The following MGAT4C variants were observed in gnomAD, a reference collection of about 807,000 sequenced individuals.
MGAT4C encodes alpha-1,3-mannosyl-glycoprotein 4-beta-N-acetylglucosaminyltransferase C.
A neutral mutation model predicts 40.1 loss-of-function variants in MGAT4C; 19 were observed. That is an observed-to-expected ratio of 0.47 (90% CI 0.33 to 0.70). MGAT4C has a LOEUF of 0.70. Among genes scored for constraint, MGAT4C ranks in the 30% least tolerant of loss-of-function variants. MGAT4C has a pLI of 0.02. For missense variants in MGAT4C, 491 were observed against 563.2 expected, an observed-to-expected ratio of 0.87 and a Z score of 1.30; for synonymous variants, 181 against 187.1, an observed-to-expected ratio of 0.97 and a Z score of 0.27.
intron 2 of MGAT4C, among the ~76,000 whole-genome samples, chr12:86,475,757 A>G (rs963602245): frequency 2.0e-5 from 3 of 152,106 alleles, no homozygotes; most frequent in African/African-American, 4.8e-5. Flanking sequence ...AACTTTCATG[A>G]CAATCATTTC....
chr12:86,010,148 G>A (rs1185336269), intron 2 of MGAT4C, among the ~76,000 whole-genome samples: 1 of 151,696 alleles, frequency 6.6e-6, no homozygotes, highest in Non-Finnish European at 1.5e-5. Flanking sequence ...ATAGAAAGGG[G>A]GAAGTAGTCT....
rs372582903 is a variant in MGAT4C, at chr12:86,477,832, C to G, written c.-228-42567G>C. 3.3e-3 allele frequency among the ~76,000 whole-genome samples: 500 copies of G among 152,118 alleles called. 2 individuals carry two copies. The highest frequency in any genetic ancestry group is 0.012 in the African/African-American group (483 of 41,514). ...CATTGTTCAATTCCCACCTATGAGT[C>G]AGAACATGCGGTGTTTGGTTTTTTG... On this transcript the variant is annotated intron_variant, in intron 2 of 7. Transcript: ENST00000548651.
chr12:86,327,752 G>A (rs938033091), intron 4 of MGAT4C, among the ~76,000 whole-genome samples: 2 of 152,020 alleles, frequency 1.3e-5, no homozygotes, highest in Non-Finnish European at 2.9e-5. Flanking sequence ...AGGAGTTCTT[G>A]GTTTTCAATC....
At chr12:86,634,893 T>G (rs1332951623) in intron 2 of MGAT4C, among the ~76,000 whole-genome samples, 2 of 152,168 alleles carry the variant, frequency 1.3e-5, no homozygotes, top group African/African-American at 4.8e-5. Context: ...AAGGAGATTA[T>G]GTAAACATGT....
chr12:86,633,605 C>A (rs1332390447), intron 2 of MGAT4C, among the ~76,000 whole-genome samples: 3 of 152,026 alleles, frequency 2.0e-5, no homozygotes, highest in African/African-American at 4.8e-5. Context: ...TAAATTATGG[C>A]AAAATCCCTA....
chr12:86,637,460 T>C (rs767712508), intron 2 of MGAT4C, among the ~76,000 whole-genome samples: 4 of 151,964 alleles, frequency 2.6e-5, no homozygotes, highest in Non-Finnish European at 5.9e-5. Context: ...AGTTTTAGCC[T>C]AGTAGCCAAA....
rs373404369 is a variant in MGAT4C at position 86,756,529 on chromosome 12, G to T, written c.-261-29288C>A. 7.9e-5 allele frequency among the ~76,000 whole-genome samples: 12 copies of T among 151,872 alleles called. No individual in the cohort carries two copies. In the East Asian group the frequency reaches 1.2e-3, roughly 15 times the overall value. ...ATTCTACATTTCTTAAAATAGTCTT[G>T]CATATTTTGTCTCATTTGATTTTAA... On this transcript the variant is annotated intron_variant, in intron 1 of 7. Coordinates refer to the MGAT4C transcript ENST00000548651.
At chr12:86,603,454 CTA>C (rs564160119) in intron 2 of MGAT4C, among the ~76,000 whole-genome samples, 7 of 113,510 alleles carry the variant, frequency 6.2e-5, no homozygotes, top group African/African-American at 2.0e-4. Context: ...AGTCTATAGA[CTA>C]TATAATATAT....
intron 1 of MGAT4C, among the ~76,000 whole-genome samples, chr12:86,074,719 C>A (rs1869331000): frequency 6.6e-6 from 1 of 152,088 alleles, no homozygotes; most frequent in Admixed American, 6.6e-5. Context: ...GGAAGCCTCA[C>A]AATCATTACA....
At chr12:86,737,571 C>G (rs985976593) in intron 1 of MGAT4C, among the ~76,000 whole-genome samples, 2 of 151,250 alleles carry the variant, frequency 1.3e-5, no homozygotes, top group Non-Finnish European at 3.0e-5. Context: ...AGTACCGATG[C>G]CTTTCAAATT....
intron 3 of MGAT4C, among the ~76,000 whole-genome samples, chr12:86,405,234 T>C (rs1227462992): frequency 6.6e-6 from 1 of 152,078 alleles, no homozygotes; most frequent in Non-Finnish European, 1.5e-5. Context: ...ATGGCATGTT[T>C]ATCTACGTAA....
Position 86,577,827 on chromosome 12 carries a change from T to C in MGAT4C, c.-228-142562A>G, listed in dbSNP as rs182373296. 2.2e-3 allele frequency among the ~76,000 whole-genome samples: 341 copies of C among 151,902 alleles called. 3 individuals are homozygous for C. The highest frequency in any genetic ancestry group is 7.8e-3 in the African/African-American group (322 of 41,516). The stretch of plus-strand genomic sequence containing the variant: ...AAGTTCTCAAAACCACTAATACAAG[T>C]CTCCAACTTATCTCTTCAAATATGT... On this transcript the variant is annotated intron_variant, in intron 2 of 7. Transcript: ENST00000548651.
intron 1 of MGAT4C, among the ~76,000 whole-genome samples, chr12:86,052,798 T>C (rs1893016844): frequency 6.6e-6 from 1 of 151,998 alleles, no homozygotes; most frequent in South Asian, 2.1e-4. Context: ...GAGAAACCTA[T>C]GGTCAGGGAT....
chr12:86,743,031 GTGTA>G (rs1951094328), intron 1 of MGAT4C, among the ~76,000 whole-genome samples: 2 of 145,958 alleles, frequency 1.4e-5, no homozygotes, highest in South Asian at 2.2e-4. Context: ...ATGTGTGTAT[GTGTA>G]TGTGTGTTTT....
At chr12:86,206,774 A>T (rs1950271629) in intron 1 of MGAT4C, among the ~76,000 whole-genome samples, 1 of 152,196 alleles carries the variant, frequency 6.6e-6, no homozygotes, top group Non-Finnish European at 1.5e-5. Flanking sequence ...GTTGAAGACC[A>T]TATTTTCAGT....
chr12:86,031,093 T>C (rs1169787248), intron 2 of MGAT4C, among the ~76,000 whole-genome samples: 3 of 151,632 alleles, frequency 2.0e-5, no homozygotes, highest in Admixed American at 2.0e-4. Context: ...TCAGTGGTTC[T>C]CTTCACATTA....
intron 1 of MGAT4C, among the ~76,000 whole-genome samples, chr12:86,203,210 T>C (rs1303989909): frequency 6.6e-6 from 1 of 152,148 alleles, no homozygotes; most frequent in African/African-American, 2.4e-5. Flanking sequence ...TATGATGTCT[T>C]TATTTTTGTT....
At chr12:86,404,325 A>G (rs1956423344) in intron 3 of MGAT4C, among the ~76,000 whole-genome samples, 1 of 152,206 alleles carries the variant, frequency 6.6e-6, no homozygotes, top group Non-Finnish European at 1.5e-5. Flanking sequence ...CAAGTATATC[A>G]TATCCTAGTC....
intron 1 of MGAT4C, among the ~76,000 whole-genome samples, chr12:86,238,877 T>C (rs1441567439): frequency 1.3e-5 from 2 of 151,992 alleles, no homozygotes; most frequent in African/African-American, 4.8e-5. Context: ...TCATTTCTAG[T>C]AGACCTCATG....
Sources: gnomAD v4.1 joint callset for allele counts (sites outside exome capture counted in the v4.1 genomes callset) on GRCh38, gnomAD v4.1.1 for gene constraint, MANE v1.5 for transcripts, NCBI Gene and HGNC (gene_info 2026-07-23, HGNC 2026-07-21) for gene names.